MDGA2: variants seen among roughly 807,000 people sequenced by gnomAD.
MDGA2 encodes the protein MAM domain-containing glycosylphosphatidylinositol anchor protein 2.
MDGA2 carries 40 observed loss-of-function variants against 117.8 expected under a neutral mutation model. The observed-to-expected ratio is 0.34, with a 90% CI of 0.26 to 0.44. MDGA2 has a LOEUF of 0.44. Among genes scored for constraint, MDGA2 ranks in the 20% least tolerant of loss-of-function variants. The probability of loss-of-function intolerance (pLI) is 1.00; values close to 1 mark genes in which losing one functional copy is unlikely to be tolerated. For missense variants in MDGA2, 1,123 were observed against 1,250.6 expected (o/e 0.90, Z 1.54); for synonymous variants, 452 against 439.0 (o/e 1.03, Z -0.37).
At chr14:47,467,778 G>T (rs1184271793) in intron 1 of MDGA2, among the ~76,000 whole-genome samples, 1 of 152,028 alleles carries the variant, frequency 6.6e-6, no homozygotes, top group African/African-American at 2.4e-5. Context: ...AGAGCCTAGT[G>T]CATTTTTGAT....
At position 46,840,513 on chromosome 14, in the gene MDGA2, TG is replaced by T. The variant is rs1210927191; in HGVS notation, c.*1417del. ...GCTCAAAATTATTTTTACAGGTTTTTGTTTTTTTGTAAAAGTGTTTTTATAA... is the reference window on the plus strand; with the variant it reads ...GCTCAAAATTATTTTTACAGGTTTTTTTTTTTTGTAAAAGTGTTTTTATAA... On this transcript the variant is annotated 3_prime_UTR_variant, in exon 17 of 17. Transcript: ENST00000399232. 3 of 152,670 alleles carry T rather than the reference TG, an allele frequency of 2.0e-5. No homozygotes were observed. The highest frequency in any genetic ancestry group is 1.9e-4 in the East Asian group (1 of 5,188). The allele number at this position is 152,670 out of a possible 1,614,324, so 9.5% of individuals were successfully genotyped here.
At chr14:47,182,298 T>G (rs888069539) in intron 3 of MDGA2, among the ~76,000 whole-genome samples, 12 of 152,146 alleles carry the variant, frequency 7.9e-5, no homozygotes, top group Non-Finnish European at 4.4e-5. Flanking sequence ...TAGACTAAGT[T>G]ATGTACCCCA....
At chr14:47,527,706 C>A (rs992394080) in intron 1 of MDGA2, among the ~76,000 whole-genome samples, 3 of 152,062 alleles carry the variant, frequency 2.0e-5, no homozygotes, top group African/African-American at 7.2e-5. Context: ...TTAGAAATAC[C>A]CTCTGCATTT....
chr14:47,171,779 T>C (rs1487025389), intron 3 of MDGA2, among the ~76,000 whole-genome samples: 1 of 151,936 alleles, frequency 6.6e-6, no homozygotes, highest in African/African-American at 2.4e-5. Context: ...CACTAGGGAG[T>C]GCCAGACAGT....
chr14:46,932,465 T>G (rs549057926), intron 9 of MDGA2, among the ~76,000 whole-genome samples: 1 of 152,246 alleles, frequency 6.6e-6, no homozygotes, highest in East Asian at 1.9e-4. Context: ...TGAGTTAAAA[T>G]GATCTAAATT....
Position 46,917,535 on chromosome 14 carries a change from G to A in MDGA2, c.2238+2477C>T, listed in dbSNP as rs150852833. Among the ~76,000 whole-genome samples the A allele has an allele frequency of 2.2e-3, 334 of 152,038 alleles. 1 individual carries two copies. Among genetic ancestry groups the A allele is most frequent in the African/African-American group, 7.6e-3 (317 of 41,466 alleles). ...AGCTATAAAAATATGAGGCCGTATTGGCTAGAATTGGAAGCCAAGTGTGTC... is the reference window on the plus strand; with the variant it reads ...AGCTATAAAAATATGAGGCCGTATTAGCTAGAATTGGAAGCCAAGTGTGTC... On this transcript the variant is annotated intron_variant, in intron 10 of 16. Transcript: ENST00000399232.
intron 8 of MDGA2, among the ~76,000 whole-genome samples, chr14:46,965,689 C>T (rs921168648): frequency 4.5e-4 from 69 of 151,796 alleles, no homozygotes; most frequent in African/African-American, 1.4e-3. Flanking sequence ...TTGGAATATC[C>T]GGTGAGAAGG....
chr14:47,061,220 C>A (rs761838214), intron 7 of MDGA2, 29 bp downstream of exon 7: 2 of 1,563,076 alleles, frequency 1.3e-6, no homozygotes, highest in Non-Finnish European at 1.8e-6. Flanking sequence ...ATGTGAACAT[C>A]TTTTACATCA....
chr14:46,974,866 C>G (rs574624190), intron 8 of MDGA2, among the ~76,000 whole-genome samples: 1 of 151,346 alleles, frequency 6.6e-6, no homozygotes, highest in African/African-American at 2.4e-5. Flanking sequence ...AAATGGAATT[C>G]GTATTTTTTT....
At chr14:47,475,525 G>A (rs188160098) in intron 1 of MDGA2, among the ~76,000 whole-genome samples, 81 of 152,200 alleles carry the variant, frequency 5.3e-4, no homozygotes, top group African/African-American at 1.9e-3. Flanking sequence ...ATACATGCAC[G>A]TGTATGTTCA....
At chr14:47,195,233 G>C (rs1885247078) in intron 3 of MDGA2, among the ~76,000 whole-genome samples, 1 of 151,806 alleles carries the variant, frequency 6.6e-6, no homozygotes, top group African/African-American at 2.4e-5. Flanking sequence ...TTTCCATCAA[G>C]GTTAGCAATA....
chr14:47,323,200 T>C (rs1267110974), intron 1 of MDGA2, among the ~76,000 whole-genome samples: 1 of 135,080 alleles, frequency 7.4e-6, no homozygotes, highest in African/African-American at 2.8e-5. Context: ...ATATGGTATA[T>C]AGTTACAGAT....
chr14:47,433,366 A>G lies in MDGA2; in HGVS notation c.281-131816T>C, dbSNP rs939904723. 2.6e-5 allele frequency among the ~76,000 whole-genome samples: 4 copies of G among 152,156 alleles called. No homozygotes were observed. In the East Asian group the frequency reaches 7.8e-4, roughly 29 times the overall value. ...GAAAAAACGTGATGTTCCTCCACCC[A>G]CCTGAATTTTTGGAGAAACTACACT... On this transcript the variant is annotated intron_variant, in intron 1 of 16. Transcript: ENST00000399232.
chr14:46,986,297 T>G (rs950049666), intron 8 of MDGA2, among the ~76,000 whole-genome samples: 1 of 152,124 alleles, frequency 6.6e-6, no homozygotes, highest in Non-Finnish European at 1.5e-5. Context: ...AGAAGTTTTA[T>G]CAGCTACCTC....
intron 1 of MDGA2, among the ~76,000 whole-genome samples, chr14:47,531,704 A>G (rs1457135810): frequency 6.6e-6 from 1 of 152,200 alleles, no homozygotes; most frequent in Non-Finnish European, 1.5e-5. Context: ...TAAACCCAAG[A>G]CATGTTGATA....
chr14:47,059,146 G>T, intron 7 of MDGA2: 1 of 861,766 alleles, frequency 1.2e-6, no homozygotes. Context: ...AATGAAAGGT[G>T]TATGCATAAA....
intron 1 of MDGA2, among the ~76,000 whole-genome samples, chr14:47,552,121 T>G (rs1895593528): frequency 6.6e-6 from 1 of 152,214 alleles, no homozygotes; most frequent in Admixed American, 6.5e-5. Context: ...TTACCCTGCT[T>G]TTATCTCAAT....
At chr14:47,331,176 A>G (rs1041898483) in intron 1 of MDGA2, among the ~76,000 whole-genome samples, 8 of 47,284 alleles carry the variant, frequency 1.7e-4, no homozygotes, top group Non-Finnish European at 2.3e-4. Context: ...TATCTACATA[A>G]ACATACATAA....
intron 9 of MDGA2, among the ~76,000 whole-genome samples, chr14:46,921,616 CAA>C (rs77086877): frequency 5.6e-5 from 4 of 71,940 alleles, no homozygotes; most frequent in Admixed American, 1.6e-4. Flanking sequence ...CAGGCCCTGT[CAA>C]AAAAAAAAAA....
Sources: gnomAD v4.1 joint callset for allele counts (sites outside exome capture counted in the v4.1 genomes callset) on GRCh38, gnomAD v4.1.1 for gene constraint, MANE v1.5 for transcripts, NCBI Gene and HGNC (gene_info 2026-07-23, HGNC 2026-07-21) for gene names.